Variants in ARHGEF17 observed in about 807,000 individuals in gnomAD.
The protein encoded by ARHGEF17 is Rho guanine nucleotide exchange factor 17.
A neutral mutation model predicts 174.0 loss-of-function variants in ARHGEF17; 80 were observed. The observed-to-expected ratio is 0.46, with a 90% confidence interval of 0.38 to 0.55. The LOEUF is 0.55. Among genes scored for constraint, ARHGEF17 ranks in the 20% least tolerant of loss-of-function variants. The pLI is 0.00. For synonymous variants in ARHGEF17, 1,311 were observed against 1,189.1 expected (o/e 1.10, Z -2.11); for missense variants, 2,886 against 2,839.7 (o/e 1.02, Z -0.37).
chr11:73,342,150 CTAGGGGTGGGAGCACAGT>C (rs1232925832), intron 1 of ARHGEF17, among the ~76,000 whole-genome samples: 254 of 79,446 alleles, frequency 3.2e-3, no homozygotes, highest in African/African-American at 0.028. Context: ...GGAGCACAGT[CTAGGGGTGGGAGCACAGT>C]CTAGGGGTGG....
At position 73,362,444 on chromosome 11, in the gene ARHGEF17, C is replaced by G; in HGVS notation, c.4706C>G (p.Pro1569Arg). 6.4e-7 allele frequency: 1 copy of G among 1,562,164 alleles called. No homozygotes were observed. The highest frequency in any genetic ancestry group is 8.6e-7 in the Non-Finnish European group (1 of 1,158,488). ...CCGTCTTCTCGCAGGGAGCCTCCTC[C>G]GTCGCTGAGGAGTCCTCCAGAGACG... ...LQPRCHREPP[P>R]SLRSPPETAP... The change falls in exon 14 of 21, where the codon CCG (proline) becomes CGG (arginine). Residue 1569 changes from proline (P) to arginine (R), a missense_variant. Physicochemically the swap from Pro to Arg is moderately radical, Grantham distance 103. Transcript: ENST00000263674.
At chr11:73,363,501 C>T (rs1865784273) in intron 15 of ARHGEF17, 46 bp downstream of exon 15, 1 of 1,575,180 alleles carries the variant, frequency 6.3e-7, no homozygotes. Flanking sequence ...GAACTCTGAG[C>T]TCCCTGCTCT....
Position 73,353,009 on chromosome 11 carries a change from G to A in ARHGEF17, c.3450G>A (p.Gln1150=), listed in dbSNP as rs771430571. The change falls in exon 3 of 21, where the codon CAG becomes CAA. Residue 1150 remains glutamine (Q), a synonymous_variant. Transcript: ENST00000263674. ...AGAAGGTGGGAGCCCTGCTCGTCCA[G>A]TCGGTGAGTGGCCCCGCTGCTGCCA... ...AQQKVGALLV[Q]SFSKDVLVNI... 1 of 1,613,468 alleles carries A rather than the reference G, an allele frequency of 6.2e-7. No individual in the cohort carries two copies. Among genetic ancestry groups the A allele is most frequent in the Non-Finnish European group, 8.5e-7 (1 of 1,179,798 alleles).
At position 73,360,506 on chromosome 11, in the gene ARHGEF17, G is replaced by A. The variant is rs1865720185; in HGVS notation, c.4393G>A (p.Ala1465Thr). Reference protein sequence around the residue: ...HPDARLGFEQAFDEAKRKLAS... With the variant: ...HPDARLGFEQTFDEAKRKLAS... ...TGACGCCCGCCTTGGTTTTGAACAGGCCTTCGATGAGGCCAAGAGGAAGCT... is the reference window on the plus strand; with the variant it reads ...TGACGCCCGCCTTGGTTTTGAACAGACCTTCGATGAGGCCAAGAGGAAGCT... Residue 1465 changes from alanine (A) to threonine (T), a missense_variant, in exon 11 of 21, where the codon GCC (alanine) becomes ACC (threonine). Ala to Thr is a moderately conservative substitution (Grantham distance 58). Around this residue, in one of 4 missense-constraint regions of ARHGEF17, gnomAD observed 476 missense variants for 473.1 expected, o/e 1.01. Coordinates refer to ENST00000263674, the MANE Select transcript of ARHGEF17 (RefSeq NM_014786.4). 1 of 1,613,808 alleles carries A rather than the reference G, an allele frequency of 6.2e-7. No homozygotes were observed. The highest frequency in any genetic ancestry group is 8.5e-7 in the Non-Finnish European group (1 of 1,180,048).
At chr11:73,352,760 G>A in intron 2 of ARHGEF17, 70 bp from the exon 3 acceptor site, 1 of 1,568,762 alleles carries the variant, frequency 6.4e-7, no homozygotes, top group Non-Finnish European at 8.7e-7. Context: ...CACTCACACA[G>A]GGGCCCTGTG....
chr11:73,353,552 C>T (rs1865590303), intron 3 of ARHGEF17, among the ~76,000 whole-genome samples: 1 of 152,142 alleles, frequency 6.6e-6, no homozygotes, highest in Non-Finnish European at 1.5e-5. Flanking sequence ...TAGGAGAGTG[C>T]GTTGGTTACC....
Position 73,367,607 on chromosome 11 carries a change from G to T in ARHGEF17, c.6019G>T (p.Glu2007Ter). 6.2e-7 allele frequency: 1 copy of T among 1,613,428 alleles called. No individual in the cohort carries two copies. Among genetic ancestry groups the T allele is most frequent in the Non-Finnish European group, 8.5e-7 (1 of 1,179,664 alleles). Residue 2007 changes from glutamate to a stop codon, truncating the protein, a stop_gained, in exon 21 of 21, where the codon GAG becomes TAG. Coordinates refer to ENST00000263674, the MANE Select transcript of ARHGEF17 (RefSeq NM_014786.4). LOFTEE classifies it high-confidence loss of function. ...DTGPEKLPSL[E>*]HRDSPWHRGP... ...AGGCCCCGAGAAGCTGCCATCACTG[G>T]AGCACCGGGACTCCCCTTGGCACCG...
At position 73,309,470 on chromosome 11, in the gene ARHGEF17, G is replaced by A. The variant is rs1471271857; in HGVS notation, c.832G>A (p.Asp278Asn). 3 of 1,542,790 alleles carry A rather than the reference G, an allele frequency of 1.9e-6. No homozygotes were observed. Among genetic ancestry groups the A allele is most frequent in the Non-Finnish European group, 2.6e-6 (3 of 1,143,468 alleles). ...AYHGGHSSGS[D>N]DDRDGEGGHR... ...CCACGGCGGCCACTCCTCGGGCAGT[G>A]ACGACGACCGAGACGGTGAGGGCGG... The change falls in exon 1 of 21, where the codon GAC becomes AAC. Residue 278 changes from aspartate to asparagine, a missense_variant. Around this residue, in one of 4 missense-constraint regions of ARHGEF17, gnomAD observed 1,728 missense variants for 1,461.2 expected, o/e 1.18. Transcript: ENST00000263674.
intron 16 of ARHGEF17, 49 bp downstream of exon 16, chr11:73,363,882 G>A (rs764743893): frequency 1.1e-5 from 17 of 1,563,618 alleles, no homozygotes; most frequent in Middle Eastern, 1.7e-4. Flanking sequence ...TCAGCCACAC[G>A]TGCAGGCCTC....
At chr11:73,342,413 G>A (rs1446909559) in intron 1 of ARHGEF17, among the ~76,000 whole-genome samples, 1 of 152,104 alleles carries the variant, frequency 6.6e-6, no homozygotes, top group Non-Finnish European at 1.5e-5. Context: ...CTAAATGTCC[G>A]AGCCTGGACA....
Position 73,310,328 on chromosome 11 carries a change from C to G in ARHGEF17, c.1690C>G (p.Leu564Val). Residue 564 changes from leucine (L) to valine (V), a missense_variant, in exon 1 of 21, where the codon CTG becomes GTG. By Grantham distance (32) the Leu-to-Val change is conservative. Coordinates refer to ENST00000263674, the MANE Select transcript of ARHGEF17 (RefSeq NM_014786.4). ...CCGCCGCCTGCCCCGCACCAGTGCTCTGAAGTCCAGCTCCTCCGAGCTCCT... is the reference window on the plus strand; with the variant it reads ...CCGCCGCCTGCCCCGCACCAGTGCTGTGAAGTCCAGCTCCTCCGAGCTCCT... The part of the protein sequence containing the change: ...MARRLPRTSA[L>V]KSSSSELLLT... The G allele has an allele frequency of 1.2e-6, 2 of 1,613,860 alleles. No homozygotes were observed. The highest frequency in any genetic ancestry group is 2.2e-5 in the South Asian group (2 of 91,090).
At chr11:73,348,294 G>T (rs7105679) in intron 2 of ARHGEF17, among the ~76,000 whole-genome samples, 12,351 of 152,104 alleles carry the variant, frequency 0.081, 1,600 homozygotes, top group African/African-American at 0.27. Context: ...CTCTGTGCAG[G>T]GGCATTAGTG....
At chr11:73,337,247 A>C (rs1865300039) in intron 1 of ARHGEF17, among the ~76,000 whole-genome samples, 2 of 152,058 alleles carry the variant, frequency 1.3e-5, no homozygotes, top group African/African-American at 4.8e-5. Context: ...ATCTCTAAAA[A>C]ATATTTTTAA....
In ARHGEF17 at chr11:73,310,056, C is replaced by G. The variant is rs1047609049; in HGVS notation, c.1418C>G (p.Thr473Arg). 2 of 1,614,064 alleles carry G rather than the reference C, an allele frequency of 1.2e-6. No homozygotes were observed. Among genetic ancestry groups the G allele is most frequent in the African/African-American group, 2.7e-5 (2 of 74,922 alleles). Residue 473 changes from threonine to arginine, a missense_variant, in exon 1 of 21, where the codon ACG becomes AGG. This residue lies in a region of ARHGEF17 where 1,728 missense variants were observed against 1,461.2 expected (regional missense o/e 1.18). Transcript: ENST00000263674. ...CCAGATATCGCCTCAGAGACCCTGA[C>G]GCTTCTCAGTTTCCTGCGCTCAGAC... ...SNPDIASETL[T>R]LLSFLRSDLS...
intron 9 of ARHGEF17, among the ~76,000 whole-genome samples, chr11:73,358,634 T>C (rs1056912634): frequency 6.6e-6 from 1 of 151,608 alleles, no homozygotes; most frequent in Non-Finnish European, 1.5e-5. Flanking sequence ...ATTTTTTTTT[T>C]TTTTGTATTT....
rs1172227901 is a variant in ARHGEF17 at position 73,365,042 on chromosome 11, G to A, written c.5551-348G>A. ...GGCTGGGCAGGAGTCCAAAGCCCTG[G>A]GTTCAGGCCCCAGCTCTGTGACTGA... On this transcript the variant is annotated intron_variant, in intron 18 of 20. Coordinates refer to ENST00000263674, the MANE Select transcript of ARHGEF17 (RefSeq NM_014786.4). The surrounding 1 kb of genome is among the most constrained non-coding windows in gnomAD (Gnocchi z 4.9). The A allele has an allele frequency of 3.0e-6, 1 of 333,260 alleles. No individual in the cohort carries two copies. Among genetic ancestry groups the A allele is most frequent in the Admixed American group, 4.5e-5 (1 of 22,160 alleles). The allele number at this position is 333,260 out of a possible 1,614,324, so 20.6% of individuals were successfully genotyped here. A position where few individuals can be genotyped will look rare whatever the true frequency, so the allele number is the denominator to read the frequency against.
rs1865816007 is a variant in ARHGEF17, at chr11:73,365,324, C to G, written c.5551-66C>G. ...GTGAGGGATGGACACTGGTGAAGCTCCAGGCTAGGGTGGGCCAAGGGAGGC... is the reference window on the plus strand; with the variant it reads ...GTGAGGGATGGACACTGGTGAAGCTGCAGGCTAGGGTGGGCCAAGGGAGGC... On this transcript the variant is annotated intron_variant, in intron 18 of 20. Coordinates refer to ENST00000263674, the MANE Select transcript of ARHGEF17 (RefSeq NM_014786.4). This position sits in a 1 kb window ranked among gnomAD's most constrained non-coding sequence, Gnocchi z 4.9. The G allele has an allele frequency of 6.3e-7, 1 of 1,578,490 alleles. No individual in the cohort carries two copies. Among genetic ancestry groups the G allele is most frequent in the African/African-American group, 1.3e-5 (1 of 74,324 alleles).
At chr11:73,343,181 C>G in intron 1 of ARHGEF17, 1 of 389,492 alleles carries the variant, frequency 2.6e-6, no homozygotes, top group South Asian at 1.3e-4. Flanking sequence ...AGTTCACCAT[C>G]GCGCTGGAAG....
rs778083149 is a variant in ARHGEF17 at position 73,310,631 on chromosome 11, A to G, written c.1993A>G (p.Thr665Ala). 1.2e-6 allele frequency: 2 copies of G among 1,614,114 alleles called. No individual in the cohort carries two copies. The highest frequency in any genetic ancestry group is 1.7e-6 in the Non-Finnish European group (2 of 1,180,014). ...TGCAGCATTTTGCGGCCTGGGTACC[A>G]CAGGGATGTGGCGACCTCTTTCCTC... Reference protein sequence around the residue: ...PVAAFCGLGTTGMWRPLSSSS... With the variant: ...PVAAFCGLGTAGMWRPLSSSS... The change falls in exon 1 of 21, where the codon ACA (threonine) becomes GCA (alanine). Residue 665 changes from threonine to alanine, a missense_variant. Transcript: ENST00000263674.
Sources: allele counts gnomAD v4.1 joint callset (sites outside exome capture counted in the v4.1 genomes callset), GRCh38; gene constraint gnomAD v4.1.1; regional missense constraint gnomAD v4.1.1; non-coding constraint Gnocchi (gnomAD v3.1); transcripts MANE v1.5; gene names NCBI Gene and HGNC (gene_info 2026-07-23, HGNC 2026-07-21).